SPTA1: variants seen among roughly 807,000 people sequenced by gnomAD.
SPTA1 encodes the protein spectrin alpha chain, erythrocytic 1.
A neutral mutation model predicts 324.7 loss-of-function variants in SPTA1; 177 were observed. The ratio of observed to expected loss-of-function variants is 0.55; its 90% CI spans 0.48 to 0.62. The LOEUF (loss-of-function observed/expected upper bound fraction) is 0.62. SPTA1 is among the 20% of genes least tolerant of loss of function. The pLI, the probability that SPTA1 is intolerant of heterozygous loss-of-function variation, is 0.00. For synonymous variants in SPTA1, 1,195 were observed against 1,041.3 expected, an observed-to-expected ratio of 1.15 and a Z score of -2.84; for missense variants, 3,162 against 2,883.6, an observed-to-expected ratio of 1.10 and a Z score of -2.21.
intron 14 of SPTA1, 50 bp from the exon 15 acceptor site, chr1:158,668,112 G>C: frequency 1.9e-6 from 3 of 1,586,448 alleles, no homozygotes. Flanking sequence ...AAGAATGAGG[G>C]ACAGAAATTT....
chr1:158,657,777 G>A (rs1190472328), intron 18 of SPTA1, 83 bp from the exon 19 acceptor site: 4 of 1,378,446 alleles, frequency 2.9e-6, no homozygotes. Flanking sequence ...TTGGAAAAGA[G>A]AAAGGAAGTG....
chr1:158,638,039 C>T lies in SPTA1; in HGVS notation c.5183G>A (p.Trp1728Ter). The T allele has an allele frequency of 6.2e-7, 1 of 1,613,638 alleles. No homozygotes were observed. Among genetic ancestry groups the T allele is most frequent in the Non-Finnish European group, 8.5e-7 (1 of 1,179,800 alleles). Residue 1728 changes from tryptophan to a stop codon, truncating the protein, a stop_gained, in exon 36 of 52, where the codon TGG (tryptophan) becomes TAG (stop). Coordinates refer to ENST00000643759, the MANE Select transcript of SPTA1 (RefSeq NM_003126.4). LOFTEE classifies it high-confidence loss of function. ...TTGAGCTGGTGGCACATACTCTATC[C>T]AGGATTCCTCATCATCTAGATCCTG... is the stretch of plus-strand genomic sequence containing the variant. Reference protein sequence around the residue: ...FFQDLDDEESWIEEKLIRVSS... With the variant: ...FFQDLDDEES
intron 49 of SPTA1, 137 bp from the exon 50 acceptor site, chr1:158,614,004 G>A (rs950045207): frequency 9.9e-7 from 1 of 1,013,534 alleles, no homozygotes; most frequent in Non-Finnish European, 1.5e-6. Flanking sequence ...TGAATACAAA[G>A]CCTGTCTGTG....
intron 39 of SPTA1, among the ~76,000 whole-genome samples, chr1:158,631,249 T>C (rs1369545466): frequency 2.0e-5 from 3 of 152,184 alleles, no homozygotes; most frequent in African/African-American, 7.2e-5. Context: ...AAATGTGGTA[T>C]ATATACATCA....
chr1:158,667,413 A>G (rs922014513), intron 15 of SPTA1, among the ~76,000 whole-genome samples: 9 of 152,224 alleles, frequency 5.9e-5, no homozygotes, highest in Non-Finnish European at 5.9e-5. Context: ...ACAAGTCATC[A>G]GTCTCTGTAA....
intron 3 of SPTA1, among the ~76,000 whole-genome samples, chr1:158,682,856 A>G (rs1447477663): frequency 2.6e-5 from 4 of 152,162 alleles, no homozygotes; most frequent in Non-Finnish European, 5.9e-5. Context: ...TTCTGACTAC[A>G]TGACATTTGG....
In SPTA1 at chr1:158,653,325, C is replaced by A; in HGVS notation, c.3137G>T (p.Arg1046Leu). 1 of 1,614,082 alleles carries A rather than the reference C, an allele frequency of 6.2e-7. No individual in the cohort carries two copies. Among genetic ancestry groups the A allele is most frequent in the Non-Finnish European group, 8.5e-7 (1 of 1,180,014 alleles). The change falls in exon 22 of 52, where the codon CGA (arginine) becomes CTA (leucine). Residue 1046 changes from arginine (R) to leucine (L), a missense_variant. Physicochemically the swap from Arg to Leu is moderately radical, Grantham distance 102. Transcript: ENST00000643759. ...HDEFPMLPQRRREEPGNITQR... is the reference protein window; with the variant it reads ...HDEFPMLPQRLREEPGNITQR... The stretch of plus-strand genomic sequence containing the variant: ...GGTGATGTTTCCTGGCTCTTCTCGT[C>A]GCCGCTGTGGGAGCATCGGGAACTC...
intron 20 of SPTA1, 54 bp from the exon 21 acceptor site, chr1:158,654,802 A>G (rs987977608): frequency 1.2e-6 from 2 of 1,607,200 alleles, no homozygotes; most frequent in Non-Finnish European, 1.7e-6. Context: ...ATCTCCCTGT[A>G]CAGCTTACCA....
intron 5 of SPTA1, 119 bp from the exon 6 acceptor site, chr1:158,678,653 T>A (rs1239760262): frequency 7.9e-7 from 1 of 1,261,748 alleles, no homozygotes; most frequent in Non-Finnish European, 1.1e-6. Context: ...CTGACCATTG[T>A]AGCCAGACAC....
intron 2 of SPTA1, among the ~76,000 whole-genome samples, chr1:158,684,254 A>G (rs1430866451): frequency 6.6e-6 from 1 of 152,026 alleles, no homozygotes; most frequent in Non-Finnish European, 1.5e-5. Context: ...CATTTTAGGA[A>G]AAACTTAAGA....
chr1:158,611,451 G>A (rs1426130167), intron 51 of SPTA1, 62 bp from the exon 52 acceptor site: 3 of 1,599,638 alleles, frequency 1.9e-6, no homozygotes, highest in Non-Finnish European at 2.6e-6. Context: ...GTTCCTTGGG[G>A]CTTCCCATAT....
intron 10 of SPTA1, among the ~76,000 whole-genome samples, 178 bp from the exon 11 acceptor site, chr1:158,672,374 A>G (rs6427442): frequency 0.062 from 9,401 of 152,262 alleles, 981 homozygotes; most frequent in African/African-American, 0.21. Flanking sequence ...GATAAATTCC[A>G]TAAAAGAGGT....
chr1:158,638,273 A>G lies in SPTA1; in HGVS notation c.4981-32T>C, dbSNP rs1417006217. 2.5e-6 allele frequency: 4 copies of G among 1,596,126 alleles called. No homozygotes were observed. The East Asian group carries it at 9.0e-5, about 36-fold the overall frequency. Reference sequence around the variant, plus strand: ...AGTCTCGGGATACTCAGTGAATAGTATAGTATAGGCATTACTCAGATCCCA... The same window carrying G: ...AGTCTCGGGATACTCAGTGAATAGTGTAGTATAGGCATTACTCAGATCCCA... On this transcript the variant is annotated intron_variant, in intron 35 of 51. Coordinates refer to ENST00000643759, the MANE Select transcript of SPTA1 (RefSeq NM_003126.4).
Position 158,636,049 on chromosome 1 carries a change from CG to C in SPTA1, c.5311-16del. ...TCCAGCACATTCTGAAGAACAACCC[CG>C]ATACATGTTCCATTACCCCACAATC... On this transcript the variant is annotated splice_polypyrimidine_tract_variant and intron_variant, in intron 37 of 51. Transcript: ENST00000643759. 2 of 1,614,068 alleles carry C rather than the reference CG, an allele frequency of 1.2e-6. No individual in the cohort carries two copies. The highest frequency in any genetic ancestry group is 1.7e-6 in the Non-Finnish European group (2 of 1,179,980).
In SPTA1 at chr1:158,685,051, T is replaced by C. The variant is rs1027706181; in HGVS notation, c.264+57A>G. The C allele has an allele frequency of 1.9e-6, 3 of 1,608,922 alleles. No individual in the cohort carries two copies. The Admixed American group carries it at 5.0e-5, about 27-fold the overall frequency. ...TAACATTAACATAAAGAAAAACCTA[T>C]TTCCTTCTCTAGAGATCTTAGGGTC... On this transcript the variant is annotated intron_variant, in intron 2 of 51. Transcript: ENST00000643759.
At chr1:158,627,794 C>G (rs1463168310) in intron 39 of SPTA1, 71 bp from the exon 40 acceptor site, 4 of 1,444,092 alleles carry the variant, frequency 2.8e-6, no homozygotes, top group Non-Finnish European at 3.9e-6. Flanking sequence ...TATTCAGACT[C>G]ACGGGTCTAT....
chr1:158,639,679 G>A lies in SPTA1; in HGVS notation c.4883C>T (p.Thr1628Ile). 6.2e-7 allele frequency: 1 copy of A among 1,613,818 alleles called. No individual in the cohort carries two copies. The highest frequency in any genetic ancestry group is 1.1e-5 in the South Asian group (1 of 91,080). ...DFEFWLSEAE[T>I]LLAMKDQARD... ...GGCCTGATCTTTCATGGCCAGCAAT[G>A]TCTCTGCCTGGAAATAGAGAAATAA... The change falls in exon 35 of 52, where the codon ACA becomes ATA. Residue 1628 changes from threonine (T) to isoleucine (I), a missense_variant. Physicochemically the swap from Thr to Ile is moderately conservative, Grantham distance 89. Transcript: ENST00000643759.
In SPTA1 at chr1:158,620,219, G is replaced by T; in HGVS notation, c.6368C>A (p.Thr2123Lys). Residue 2123 changes from threonine (T) to lysine (K), a missense_variant, in exon 44 of 52, where the codon ACA (threonine) becomes AAA (lysine). Thr to Lys is a moderately conservative substitution (Grantham distance 78). Coordinates refer to ENST00000643759, the MANE Select transcript of SPTA1 (RefSeq NM_003126.4). ...CCAGGTCCTTTCCAGCACCTCCACT[G>T]TTAACCAGGTATAAGGGCTGGAAGG... is the stretch of plus-strand genomic sequence containing the variant. ...GVPSSPYTWL[T>K]VEVLERTWKH... 6.2e-7 allele frequency: 1 copy of T among 1,614,114 alleles called. No homozygotes were observed. Among genetic ancestry groups the T allele is most frequent in the South Asian group, 1.1e-5 (1 of 91,074 alleles).
chr1:158,617,319 C>T (rs933906927), intron 47 of SPTA1, among the ~76,000 whole-genome samples: 6 of 152,140 alleles, frequency 3.9e-5, no homozygotes. Context: ...CAAACAGTGA[C>T]TCTACAATGG....
Sources: allele counts gnomAD v4.1 joint callset (sites outside exome capture counted in the v4.1 genomes callset), GRCh38; gene constraint gnomAD v4.1.1; transcripts MANE v1.5; gene names NCBI Gene and HGNC (gene_info 2026-07-23, HGNC 2026-07-21).